The following DTHD1 variants were observed in gnomAD, a reference collection of about 807,000 sequenced individuals.
The protein encoded by DTHD1 is death domain containing 1.
A neutral mutation model predicts 74.8 loss-of-function variants in DTHD1; 59 were observed. The observed-to-expected ratio is 0.79, with a 90% CI of 0.64 to 0.98. DTHD1 has a LOEUF of 0.98. Among genes scored for constraint, DTHD1 ranks in the 50% least tolerant of loss-of-function variants. The probability of loss-of-function intolerance (pLI) is 0.00; values close to 1 mark genes in which losing one functional copy is unlikely to be tolerated. For synonymous variants in DTHD1, 365 were observed against 371.1 expected, an observed-to-expected ratio of 0.98 and a Z score of 0.19; for missense variants, 1,051 against 1,065.4, an observed-to-expected ratio of 0.99 and a Z score of 0.19.
chr4:36,332,217 TAA>T (rs1758728037), intron 8 of DTHD1, among the ~76,000 whole-genome samples: 1 of 31,870 alleles, frequency 3.1e-5, no homozygotes, highest in African/African-American at 1.3e-4. Context: ...TAAAATAAAA[TAA>T]AATAAAATAA....
Position 36,294,937 on chromosome 4 carries a change from C to G in DTHD1, c.1541C>G (p.Pro514Arg). The change falls in exon 5 of 10, where the codon CCT (proline) becomes CGT (arginine). Residue 514 changes from proline (P) to arginine (R), a missense_variant. By Grantham distance (103) the Pro-to-Arg change is moderately radical (BLOSUM62 -2). Coordinates refer to ENST00000639862, the MANE Select transcript of DTHD1 (RefSeq NM_001170700.3). ...CAGAAGCCAGTCACTTTGTTTTTAC[C>G]TTGTTCTCCATACCTTGATAAAAAC... ...PFQKPVTLFL[P>R]CSPYLDKNNL... The G allele has an allele frequency of 6.4e-7, 1 of 1,551,734 alleles. No individual in the cohort carries two copies. The highest frequency in any genetic ancestry group is 8.7e-7 in the Non-Finnish European group (1 of 1,146,728).
At chr4:36,339,373 T>G (rs1759191332) in intron 9 of DTHD1, among the ~76,000 whole-genome samples, 1 of 152,214 alleles carries the variant, frequency 6.6e-6, no homozygotes, top group Admixed American at 6.5e-5. Context: ...TGCATGTAAT[T>G]AAAGCTGAGT....
chr4:36,311,951 A>T (rs79680816), intron 7 of DTHD1, among the ~76,000 whole-genome samples: 1 of 152,320 alleles, frequency 6.6e-6, no homozygotes, highest in East Asian at 1.9e-4. Flanking sequence ...CTATTCACTT[A>T]TAGAGAATAT....
chr4:36,323,079 C>T (rs956231228), intron 8 of DTHD1, among the ~76,000 whole-genome samples: 1 of 152,164 alleles, frequency 6.6e-6, no homozygotes, highest in Non-Finnish European at 1.5e-5. Context: ...CTGCTGTCAC[C>T]TATTCGAGGC....
chr4:36,342,118 T>C (rs1193175000), intron 9 of DTHD1, among the ~76,000 whole-genome samples: 1 of 152,202 alleles, frequency 6.6e-6, no homozygotes, highest in Non-Finnish European at 1.5e-5. Context: ...TCCGCAGGGC[T>C]GCTGATGAAG....
intron 8 of DTHD1, among the ~76,000 whole-genome samples, chr4:36,318,893 C>T (rs546944910): frequency 6.6e-6 from 1 of 152,270 alleles, no homozygotes; most frequent in East Asian, 1.9e-4. Flanking sequence ...GGATTACAGG[C>T]GTGAGCCACT....
intron 9 of DTHD1, among the ~76,000 whole-genome samples, chr4:36,339,854 G>A (rs1250346591): frequency 6.6e-6 from 1 of 152,116 alleles, no homozygotes; most frequent in Non-Finnish European, 1.5e-5. Context: ...ACTCCACTAG[G>A]AATAGGATAG....
chr4:36,339,969 G>C (rs1759226462), intron 9 of DTHD1, among the ~76,000 whole-genome samples: 1 of 152,226 alleles, frequency 6.6e-6, no homozygotes, highest in African/African-American at 2.4e-5. Context: ...AGCTTTGCAA[G>C]TTTAATAATG....
Position 36,316,238 on chromosome 4 carries a change from T to G in DTHD1, c.2096-4T>G, listed in dbSNP as rs1450340172. ...GGTAATAAATACATTTTACTTCTAT[T>G]TAGGCAACGGGAAGGATTATGGAAA... On this transcript the variant is annotated splice_region_variant and splice_polypyrimidine_tract_variant and intron_variant, in intron 7 of 9. Coordinates refer to ENST00000639862, the MANE Select transcript of DTHD1 (RefSeq NM_001170700.3). 2 of 1,548,278 alleles carry G rather than the reference T, an allele frequency of 1.3e-6. No individual in the cohort carries two copies. The highest frequency in any genetic ancestry group is 1.7e-6 in the Non-Finnish European group (2 of 1,146,232).
intron 8 of DTHD1, among the ~76,000 whole-genome samples, chr4:36,321,568 A>T (rs1191001718): frequency 2.0e-5 from 3 of 152,162 alleles, no homozygotes; most frequent in African/African-American, 4.8e-5. Context: ...CTGATTCTAC[A>T]TTATGGTATA....
At chr4:36,343,391 A>G (rs917709699) in intron 9 of DTHD1, 111 bp from the exon 10 acceptor site, 1 of 1,059,508 alleles carries the variant, frequency 9.4e-7, no homozygotes. Context: ...GCACTGCTCC[A>G]AGGCCAAACA....
chr4:36,316,295 A>C lies in DTHD1; in HGVS notation c.2149A>C (p.Lys717Gln). Residue 717 changes from lysine to glutamine, a missense_variant, in exon 8 of 10, where the codon AAA (lysine) becomes CAA (glutamine). Physicochemically the swap from Lys to Gln is moderately conservative, Grantham distance 53 (BLOSUM62 1). Transcript: ENST00000639862. The part of the protein sequence containing the change: ...DYTLIFHLQR[K>Q]PRLELQIKEV... The stretch of plus-strand genomic sequence containing the variant: ...CACACTTATTTTTCACTTGCAAAGA[A>C]AACCTAGGCTGGAACTCCAAATCAA... The C allele has an allele frequency of 6.4e-7, 1 of 1,551,928 alleles. No individual in the cohort carries two copies. Among genetic ancestry groups the C allele is most frequent in the South Asian group, 1.2e-5 (1 of 84,066 alleles).
chr4:36,294,863 A>G lies in DTHD1; in HGVS notation c.1467A>G (p.Gln489=), dbSNP rs1756298114. ...AGCAAGATACTTTCTACTCAGTCCA[A>G]TCCACAAGCCCTCTGATTCACATTC... ...KAQQDTFYSV[Q]STSPLIHIQH... is the part of the protein sequence containing the mutation. Residue 489 remains glutamine, a synonymous_variant, in exon 5 of 10, where the codon CAA becomes CAG. Transcript: ENST00000639862. 1 of 1,551,812 alleles carries G rather than the reference A, an allele frequency of 6.4e-7. No individual in the cohort carries two copies.
chr4:36,316,470 C>A lies in DTHD1; in HGVS notation c.2324C>A (p.Pro775Gln). ...NHSQLPICKL[P>Q]LKLPKHKKLI... ...TCTCAGTTGCCAATTTGCAAATTAC[C>A]ATTGAAATTGCCAAAGGTGAGTTAT... The change falls in exon 8 of 10, where the codon CCA (proline) becomes CAA (glutamine). Residue 775 changes from proline to glutamine, a missense_variant. Transcript: ENST00000639862. 2 of 1,548,706 alleles carry A rather than the reference C, an allele frequency of 1.3e-6. No individual in the cohort carries two copies. The highest frequency in any genetic ancestry group is 2.4e-5 in the South Asian group (2 of 82,762).
chr4:36,316,569 A>G, intron 8 of DTHD1, 83 bp downstream of exon 8: 1 of 1,341,792 alleles, frequency 7.5e-7, no homozygotes, highest in Non-Finnish European at 1.0e-6. Flanking sequence ...AGTCATAGAG[A>G]CACATACAGT....
chr4:36,290,361 T>C lies in DTHD1; in HGVS notation c.888-12T>C, dbSNP rs1285069443. On this transcript the variant is annotated splice_polypyrimidine_tract_variant and intron_variant, in intron 2 of 9. Transcript: ENST00000639862. Reference sequence around the variant, plus strand: ...AATAATTGGAAAAATGACATTCTTTTTCCCCCTCCAGGTATCTTGATGTGC... The same window carrying C: ...AATAATTGGAAAAATGACATTCTTTCTCCCCCTCCAGGTATCTTGATGTGC... The C allele has an allele frequency of 6.5e-7, 1 of 1,532,942 alleles. No homozygotes were observed. The highest frequency in any genetic ancestry group is 8.8e-7 in the Non-Finnish European group (1 of 1,137,360). 95.0% of individuals were successfully genotyped at this position (1,532,942 alleles called of 1,614,324 possible).
chr4:36,339,146 A>G lies in DTHD1; in HGVS notation c.2375A>G (p.Lys792Arg). The change falls in exon 9 of 10, where the codon AAA (lysine) becomes AGA (arginine). Residue 792 changes from lysine to arginine, a missense_variant. Physicochemically the swap from Lys to Arg is conservative, Grantham distance 26. Transcript: ENST00000639862. ...TTAATCAACCGTCCACAGAGTACCA[A>G]AAGAGTTTCTAAGGATCCTGTAGGT... ...KKLINRPQSTKRVSKDPVEAL... is the reference protein window; with the variant it reads ...KKLINRPQSTRRVSKDPVEAL... 5.2e-6 allele frequency: 8 copies of G among 1,548,134 alleles called. No homozygotes were observed. Among genetic ancestry groups the G allele is most frequent in the Non-Finnish European group, 7.0e-6 (8 of 1,144,320 alleles).
rs78911777 is a variant in DTHD1 at position 36,304,476 on chromosome 4, A to T, written c.1644-1715A>T. 6.4e-3 allele frequency among the ~76,000 whole-genome samples: 973 copies of T among 152,340 alleles called. 9 individuals are homozygous for T. Among genetic ancestry groups the T allele is most frequent in the African/African-American group, 0.023 (939 of 41,578 alleles). On this transcript the variant is annotated intron_variant, in intron 5 of 9. Transcript: ENST00000639862. Reference sequence around the variant, plus strand: ...TAAATCAAGTTCAGTTTCTAATCTGAATCTATGGGTCATAGGACAGGTCAA... The same window carrying T: ...TAAATCAAGTTCAGTTTCTAATCTGTATCTATGGGTCATAGGACAGGTCAA...
intron 8 of DTHD1, among the ~76,000 whole-genome samples, chr4:36,319,833 CTT>C (rs1413477387): frequency 1.3e-5 from 2 of 152,224 alleles, no homozygotes; most frequent in Non-Finnish European, 2.9e-5. Context: ...TTGTCCAGTA[CTT>C]TTGCGTCAGC....
Sources: gnomAD v4.1 joint callset for allele counts (sites outside exome capture counted in the v4.1 genomes callset) on GRCh38, gnomAD v4.1.1 for gene constraint, MANE v1.5 for transcripts, NCBI Gene and HGNC (gene_info 2026-07-23, HGNC 2026-07-21) for gene names.